PLCL2: variants seen among roughly 807,000 people sequenced by gnomAD.
PLCL2 encodes the protein inactive phospholipase C-like protein 2.
Under a neutral mutation model 79.6 loss-of-function variants are expected in PLCL2, and 4 were observed. That is an observed-to-expected ratio of 0.05 (90% confidence interval 0.02 to 0.11). The LOEUF (loss-of-function observed/expected upper bound fraction) is 0.11. PLCL2 is among the 10% of genes least tolerant of loss of function. The pLI, the probability that PLCL2 is intolerant of heterozygous loss-of-function variation, is 1.00. For synonymous variants in PLCL2, 484 were observed against 457.7 expected, an observed-to-expected ratio of 1.06 and a Z score of -0.73; for missense variants, 895 against 1,291.0, an observed-to-expected ratio of 0.69 and a Z score of 4.70.
chr3:16,902,460 C>A (rs1023243576), intron 1 of PLCL2, among the ~76,000 whole-genome samples: 1 of 152,176 alleles, frequency 6.6e-6, no homozygotes, highest in Non-Finnish European at 1.5e-5. Flanking sequence ...TAAACAAGTG[C>A]ATGATTTCTA....
At chr3:16,954,950 T>C (rs1575550254) in intron 1 of PLCL2, among the ~76,000 whole-genome samples, 1 of 152,286 alleles carries the variant, frequency 6.6e-6, no homozygotes, top group East Asian at 1.9e-4. Flanking sequence ...GAGTAGGTTG[T>C]AAAAATGTTC....
intron 5 of PLCL2, among the ~76,000 whole-genome samples, chr3:17,085,089 T>A (rs1000492678): frequency 1.3e-5 from 2 of 152,146 alleles, no homozygotes; most frequent in African/African-American, 4.8e-5. Flanking sequence ...ATGGCAGGGT[T>A]GCAGGAAACA....
chr3:17,045,674 A>T (rs1319985411), intron 4 of PLCL2, among the ~76,000 whole-genome samples: 1 of 152,188 alleles, frequency 6.6e-6, no homozygotes, highest in Non-Finnish European at 1.5e-5. Flanking sequence ...AGAAATTTTA[A>T]TAATAAAACC....
chr3:17,072,670 GAAA>G (rs547845475), intron 5 of PLCL2, among the ~76,000 whole-genome samples: 3 of 77,100 alleles, frequency 3.9e-5, no homozygotes, highest in African/African-American at 1.2e-4. Flanking sequence ...CTGTCTCAAA[GAAA>G]AAAAAAAAAA....
chr3:17,054,727 C>G (rs1163802602), intron 4 of PLCL2, among the ~76,000 whole-genome samples: 1 of 152,182 alleles, frequency 6.6e-6, no homozygotes, highest in Non-Finnish European at 1.5e-5. Context: ...CCACCTCCAG[C>G]ACTGGGGATT....
Position 17,079,105 on chromosome 3 carries a change from G to A in PLCL2, c.3205-10628G>A, listed in dbSNP as rs115906795. 5.2e-3 allele frequency among the ~76,000 whole-genome samples: 786 copies of A among 152,252 alleles called. 10 individuals carry two copies. Among genetic ancestry groups the A allele is most frequent in the African/African-American group, 0.018 (750 of 41,534 alleles). Reference sequence around the variant, plus strand: ...GGTGTGCTTGAAAGATTAATAGCGCGAAGGAGGTGCTTACGTGCATGCTAT... The same window carrying A: ...GGTGTGCTTGAAAGATTAATAGCGCAAAGGAGGTGCTTACGTGCATGCTAT... On this transcript the variant is annotated intron_variant, in intron 5 of 5. Transcript: ENST00000615277.
In PLCL2 at chr3:16,996,377, C is replaced by CTCTTTAGACCACT. The variant is rs1559512230; in HGVS notation, c.328-13297_328-13296insTCTTTAGACCACT. On this transcript the variant is annotated intron_variant, in intron 1 of 5. Transcript: ENST00000615277. ...CCCAGGAAGGAAGAGAGTAGACCAC[C>CTCTTTAGACCACT]CTCTTCCCTTCCAGCCTCCAGCTGG... is the stretch of plus-strand genomic sequence containing the variant. Among the ~76,000 whole-genome samples, 24 of 151,990 alleles carry CTCTTTAGACCACT rather than the reference C, an allele frequency of 1.6e-4. No individual in the cohort carries two copies. In the South Asian group the frequency reaches 2.3e-3, roughly 15 times the overall value.
At position 17,089,886 on chromosome 3, in the gene PLCL2, A is replaced by C; in HGVS notation, c.3358A>C (p.Lys1120Gln). ...CCGGAGCTTGGAAGTCATACCCGAA[A>C]AAGCAAACGATGAAACTGGAGAATG... The part of the protein sequence containing the change: ...PRRSLEVIPE[K>Q]ANDETGE Residue 1120 changes from lysine (K) to glutamine (Q), a missense_variant, in exon 6 of 6, where the codon AAA becomes CAA. By Grantham distance (53) the Lys-to-Gln change is moderately conservative. This residue lies in a region of PLCL2 where 298 missense variants were observed against 459.6 expected (regional missense o/e 0.65). Coordinates refer to ENST00000615277, the MANE Select transcript of PLCL2 (RefSeq NM_001144382.2). 1 of 1,613,306 alleles carries C rather than the reference A, an allele frequency of 6.2e-7. No individual in the cohort carries two copies. Among genetic ancestry groups the C allele is most frequent in the Non-Finnish European group, 8.5e-7 (1 of 1,179,812 alleles).
intron 1 of PLCL2, among the ~76,000 whole-genome samples, chr3:16,919,235 A>G (rs530276097): frequency 6.6e-6 from 1 of 152,244 alleles, no homozygotes; most frequent in Admixed American, 6.5e-5. Flanking sequence ...GCTAGTTTGA[A>G]GTCTAGGCAC....
chr3:17,088,770 T>C (rs995691541), intron 5 of PLCL2, among the ~76,000 whole-genome samples: 1 of 152,186 alleles, frequency 6.6e-6, no homozygotes, highest in African/African-American at 2.4e-5. Flanking sequence ...CAAAGAATTC[T>C]CTGGTCCAAA....
At chr3:16,908,878 A>C (rs947503936) in intron 1 of PLCL2, among the ~76,000 whole-genome samples, 1 of 152,238 alleles carries the variant, frequency 6.6e-6, no homozygotes, top group Non-Finnish European at 1.5e-5. Context: ...ATGTATCAAC[A>C]TACATTTATT....
chr3:17,062,984 T>G (rs565817872), intron 4 of PLCL2, among the ~76,000 whole-genome samples: 1 of 151,976 alleles, frequency 6.6e-6, no homozygotes, highest in African/African-American at 2.4e-5. Flanking sequence ...TTTCCATAGG[T>G]CCAGCAGGCA....
intron 4 of PLCL2, among the ~76,000 whole-genome samples, chr3:17,051,055 T>G (rs942401620): frequency 2.0e-5 from 3 of 151,924 alleles, no homozygotes; most frequent in African/African-American, 7.3e-5. Context: ...AAGACAAACA[T>G]CACATGTTCC....
At chr3:17,047,318 G>T (rs1018651344) in intron 4 of PLCL2, among the ~76,000 whole-genome samples, 1 of 152,196 alleles carries the variant, frequency 6.6e-6, no homozygotes, top group Non-Finnish European at 1.5e-5. Flanking sequence ...ACACCTGCTG[G>T]CTTCCCTGCT....
intron 4 of PLCL2, among the ~76,000 whole-genome samples, chr3:17,054,652 G>C (rs766663045): frequency 1.3e-5 from 2 of 151,996 alleles, no homozygotes; most frequent in Non-Finnish European, 1.5e-5. Flanking sequence ...TACTACCAAG[G>C]GGGGATGGTG....
In PLCL2 at chr3:17,012,082, G is replaced by T. The variant is rs1244505624; in HGVS notation, c.2736G>T (p.Trp912Cys). The T allele has an allele frequency of 6.2e-7, 1 of 1,614,074 alleles. No individual in the cohort carries two copies. The highest frequency in any genetic ancestry group is 8.5e-7 in the Non-Finnish European group (1 of 1,180,018). The change falls in exon 2 of 6, where the codon TGG becomes TGT. Residue 912 changes from tryptophan (W) to cysteine (C), a missense_variant. By Grantham distance (215) the Trp-to-Cys change is radical (BLOSUM62 -2). This residue lies in a region of PLCL2 where 298 missense variants were observed against 459.6 expected (regional missense o/e 0.65). Transcript: ENST00000615277. The stretch of plus-strand genomic sequence containing the variant: ...AATATGCATCTTTGAGAACACTGTG[G>T]ATTAAAACCGTGGATGAGGTATTCA... Reference protein sequence around the residue: ...SREYASLRTLWIKTVDEVFKN... With the variant: ...SREYASLRTLCIKTVDEVFKN...
intron 1 of PLCL2, among the ~76,000 whole-genome samples, chr3:16,989,879 ATAG>A (rs1335739310): frequency 6.6e-6 from 1 of 152,234 alleles, no homozygotes; most frequent in Non-Finnish European, 1.5e-5. Flanking sequence ...ATGATAAAAA[ATAG>A]TAGTAATGCT....
At position 17,009,215 on chromosome 3, in the gene PLCL2, C is replaced by T. The variant is rs1185696293; in HGVS notation, c.328-459C>T. ...GGCCAGGCTGGTCTCAAACTTCTGA[C>T]CTTGGGTGATCTGCCCCTTCTTGGC... On this transcript the variant is annotated intron_variant, in intron 1 of 5. Coordinates refer to ENST00000615277, the MANE Select transcript of PLCL2 (RefSeq NM_001144382.2). The surrounding 1 kb of genome is among the most constrained non-coding windows in gnomAD (Gnocchi z 4.0). Among the ~76,000 whole-genome samples the T allele has an allele frequency of 1.3e-5, 2 of 151,696 alleles. 1 individual carries two copies. Among genetic ancestry groups the T allele is most frequent in the African/African-American group, 4.8e-5 (2 of 41,296 alleles).
intron 1 of PLCL2, among the ~76,000 whole-genome samples, chr3:16,962,867 C>T (rs1290803993): frequency 6.6e-6 from 1 of 152,098 alleles, no homozygotes; most frequent in African/African-American, 2.4e-5. Context: ...TTTATACATA[C>T]ACATACATAC....
Sources: allele counts gnomAD v4.1 joint callset (sites outside exome capture counted in the v4.1 genomes callset), GRCh38; gene constraint gnomAD v4.1.1; regional missense constraint gnomAD v4.1.1; non-coding constraint Gnocchi (gnomAD v3.1); transcripts MANE v1.5; gene names NCBI Gene and HGNC (gene_info 2026-07-23, HGNC 2026-07-21).